RPTOR: variants seen among roughly 807,000 people sequenced by gnomAD.
The protein encoded by RPTOR is regulatory-associated protein of mTOR.
A neutral mutation model predicts 169.9 loss-of-function variants in RPTOR; 21 were observed. The ratio of observed to expected loss-of-function variants is 0.12; its 90% CI spans 0.09 to 0.18. The LOEUF (loss-of-function observed/expected upper bound fraction) is 0.18, where lower values mean the gene tolerates loss of function less well. Among genes scored for constraint, RPTOR ranks in the 10% least tolerant of loss-of-function variants. RPTOR has a pLI of 1.00. For missense variants in RPTOR, 1,133 were observed against 1,855.9 expected (o/e 0.61, Z 7.16); for synonymous variants, 732 against 753.2 (o/e 0.97, Z 0.46).
At chr17:80,962,903 G>A (rs74001166) in intron 32 of RPTOR, 25 bp from the exon 33 acceptor site, 1 of 1,613,102 alleles carries the variant, frequency 6.2e-7, no homozygotes, top group African/African-American at 1.3e-5. Context: ...GGGCAGTGAT[G>A]CCGGGACCCT....
At chr17:80,792,804 C>T (rs781612687) in intron 7 of RPTOR, among the ~76,000 whole-genome samples, 3 of 152,016 alleles carry the variant, frequency 2.0e-5, no homozygotes, top group Non-Finnish European at 4.4e-5. Context: ...TATTGCTGTG[C>T]GCTTTCTTTG....
intron 1 of RPTOR, among the ~76,000 whole-genome samples, chr17:80,575,677 G>A (rs563572391): frequency 6.6e-6 from 1 of 152,220 alleles, no homozygotes; most frequent in Non-Finnish European, 1.5e-5. Context: ...TGAACACGAT[G>A]CGTGTCTACA....
At chr17:80,869,902 G>C (rs1483631057) in intron 13 of RPTOR, among the ~76,000 whole-genome samples, 1 of 152,194 alleles carries the variant, frequency 6.6e-6, no homozygotes, top group Non-Finnish European at 1.5e-5. Context: ...CTCAAGAGCA[G>C]CAGAACTTCA....
rs568694562 is a variant in RPTOR, at chr17:80,617,650, T to C, written c.163-8041T>C. Among the ~76,000 whole-genome samples the C allele has an allele frequency of 2.0e-5, 3 of 152,340 alleles. No individual in the cohort carries two copies. In the South Asian group the frequency reaches 6.2e-4, roughly 32 times the overall value. On this transcript the variant is annotated intron_variant, in intron 1 of 33. Transcript: ENST00000306801. ...TATTTTTGCTCTGTGACAAAGTATT[T>C]TTATTTTCACTTTTTCTTTTTTTGT...
intron 24 of RPTOR, among the ~76,000 whole-genome samples, chr17:80,939,636 CA>C (rs1281439554): frequency 2.2e-4 from 34 of 152,184 alleles, no homozygotes; most frequent in Admixed American, 2.0e-4. Flanking sequence ...AGGAAGGTCC[CA>C]CACTCTCTCG....
intron 20 of RPTOR, among the ~76,000 whole-genome samples, chr17:80,897,104 T>A (rs35955302): frequency 0.76 from 115,077 of 151,482 alleles, 43,880 homozygotes; most frequent in Admixed American, 0.8. Context: ...GTCTCTACTA[T>A]AAAAAAATTA....
chr17:80,918,238 C>T (rs970409503), intron 21 of RPTOR, among the ~76,000 whole-genome samples: 1 of 152,212 alleles, frequency 6.6e-6, no homozygotes, highest in Non-Finnish European at 1.5e-5. Context: ...CAATGCTGGC[C>T]CGTGGGCCCC....
intron 21 of RPTOR, among the ~76,000 whole-genome samples, chr17:80,917,018 T>A (rs2068681288): frequency 6.6e-6 from 1 of 151,804 alleles, no homozygotes; most frequent in Non-Finnish European, 1.5e-5. Context: ...AAATAAAGAT[T>A]GAGATATCCA....
chr17:80,693,634 G>A (rs976657373), intron 3 of RPTOR, among the ~76,000 whole-genome samples: 1 of 152,210 alleles, frequency 6.6e-6, no homozygotes, highest in Non-Finnish European at 1.5e-5. Flanking sequence ...GTCCCTTTGG[G>A]TTCGGTGTAC....
intron 20 of RPTOR, among the ~76,000 whole-genome samples, chr17:80,901,966 C>T (rs1274673634): frequency 6.6e-6 from 1 of 152,220 alleles, no homozygotes; most frequent in African/African-American, 2.4e-5. Context: ...CCAGCAGTGC[C>T]TGGCCCTGGT....
chr17:80,654,039 AG>A (rs11361939), intron 3 of RPTOR, among the ~76,000 whole-genome samples: 152,340 of 152,340 alleles, frequency 1, 76,170 homozygotes, highest in Non-Finnish European at 1. Flanking sequence ...CCCAGGGGCA[AG>A]GGGAGTGTGT....
chr17:80,672,526 G>A (rs932688812), intron 3 of RPTOR, among the ~76,000 whole-genome samples: 3 of 152,116 alleles, frequency 2.0e-5, no homozygotes, highest in African/African-American at 4.8e-5. Flanking sequence ...GGTGGCTCAC[G>A]CCTGTAGTAA....
chr17:80,652,527 G>C (rs546078044), intron 3 of RPTOR, among the ~76,000 whole-genome samples: 33 of 152,320 alleles, frequency 2.2e-4, no homozygotes, highest in African/African-American at 7.2e-4. Context: ...ATAGGGTCTC[G>C]CTTTATTGCT....
chr17:80,963,780 TCACCCCGTCCCCTCTGC>T (rs1261599680), intron 33 of RPTOR, among the ~76,000 whole-genome samples: 1 of 117,428 alleles, frequency 8.5e-6, no homozygotes, highest in Non-Finnish European at 1.7e-5. Context: ...TCTGCGGCCC[TCACCCCGTCCCCTCTGC>T]GGCCCTCACC....
At chr17:80,572,141 A>G (rs1370058083) in intron 1 of RPTOR, among the ~76,000 whole-genome samples, 1 of 152,184 alleles carries the variant, frequency 6.6e-6, no homozygotes, top group Admixed American at 6.5e-5. Context: ...TCTGTCACCC[A>G]GGTGGGAGTG....
intron 1 of RPTOR, among the ~76,000 whole-genome samples, chr17:80,556,033 T>TC (rs2084404004): frequency 6.6e-6 from 1 of 151,178 alleles, no homozygotes; most frequent in Non-Finnish European, 1.5e-5. Context: ...TTTGTTTTTT[T>TC]TTTCTTAAAT....
chr17:80,791,009 C>A (rs964028591), intron 6 of RPTOR, among the ~76,000 whole-genome samples: 3 of 152,162 alleles, frequency 2.0e-5, no homozygotes, highest in African/African-American at 7.2e-5. Context: ...TGATTATGAA[C>A]ATGATATAAT....
At chr17:80,591,556 T>C (rs1354340491) in intron 1 of RPTOR, among the ~76,000 whole-genome samples, 2 of 151,346 alleles carry the variant, frequency 1.3e-5, no homozygotes, top group African/African-American at 4.9e-5. Context: ...TTTTTGTAAT[T>C]TTAGTAGAGA....
intron 1 of RPTOR, among the ~76,000 whole-genome samples, chr17:80,564,522 A>G (rs2084550930): frequency 6.6e-6 from 1 of 151,854 alleles, no homozygotes. Flanking sequence ...GTACATGTGC[A>G]GGTTTGTTAT....
Sources: allele counts gnomAD v4.1 joint callset (sites outside exome capture counted in the v4.1 genomes callset), GRCh38; gene constraint gnomAD v4.1.1; transcripts MANE v1.5; gene names NCBI Gene and HGNC (gene_info 2026-07-23, HGNC 2026-07-21).